Variants in TLL2 observed in about 807,000 individuals in gnomAD.
The protein encoded by TLL2 is tolloid-like protein 2.
In TLL2, 106 loss-of-function variants were observed where a neutral mutation model predicts 123.0. That is an observed-to-expected ratio of 0.86 (90% CI 0.74 to 1.01). The LOEUF is 1.01. Among genes scored for constraint, TLL2 ranks in the 50% least tolerant of loss-of-function variants. The pLI is 0.00. For missense variants in TLL2, 1,332 were observed against 1,336.7 expected (o/e 1.00, Z 0.06); for synonymous variants, 494 against 516.8 (o/e 0.96, Z 0.60).
At chr10:96,486,810 C>T (rs917635361) in intron 1 of TLL2, among the ~76,000 whole-genome samples, 8 of 152,228 alleles carry the variant, frequency 5.3e-5, no homozygotes, top group Admixed American at 3.3e-4. Context: ...GGCAGAGCAG[C>T]GGGGGCCGCT....
chr10:96,376,123 T>TG (rs2134052703), intron 18 of TLL2, among the ~76,000 whole-genome samples: 1 of 152,228 alleles, frequency 6.6e-6, no homozygotes, highest in South Asian at 2.1e-4. Context: ...CTATTACTAA[T>TG]GGGAAAAAAA....
chr10:96,421,588 C>T (rs780575053), intron 6 of TLL2, among the ~76,000 whole-genome samples: 4 of 151,682 alleles, frequency 2.6e-5, no homozygotes, highest in Non-Finnish European at 4.4e-5. Context: ...GGTGTGAACC[C>T]GGGAGACGGA....
rs57500474 is a variant in TLL2, at chr10:96,411,334, A to G, written c.1049-860T>C. 8.1e-3 allele frequency among the ~76,000 whole-genome samples: 1,226 copies of G among 151,074 alleles called. 61 individuals carry two copies. The South Asian group carries it at 0.1, about 13-fold the overall frequency. ...GACAAAAAGAAAAAAATGCTTTGAA[A>G]CTTATTTCAGCTGTTAGTTTAAATC... On this transcript the variant is annotated intron_variant, in intron 8 of 20. Coordinates refer to ENST00000357947, the MANE Select transcript of TLL2 (RefSeq NM_012465.4).
chr10:96,389,821 C>T (rs1437558403), intron 13 of TLL2, among the ~76,000 whole-genome samples: 4 of 152,242 alleles, frequency 2.6e-5, no homozygotes, highest in Admixed American at 2.6e-4. Flanking sequence ...TATAATTCCT[C>T]CAGAGACTAG....
Position 96,420,997 on chromosome 10 carries a change from G to A in TLL2, c.882C>T (p.Asp294=). The A allele has an allele frequency of 1.2e-6, 2 of 1,614,088 alleles. No individual in the cohort carries two copies. The highest frequency in any genetic ancestry group is 1.7e-6 in the Non-Finnish European group (2 of 1,179,988). The change falls in exon 7 of 21, where the codon GAC becomes GAT. Residue 294 remains aspartate, a synonymous_variant. Transcript: ENST00000357947. ...GGGCGTAGTGCATGATGCTGTCAAA[G>A]TCGTATGTCTCTCCCAGAGAGCTCA... ...GEVSSLGETY[D]FDSIMHYARN...
chr10:96,437,215 A>C (rs1330002964), intron 3 of TLL2, among the ~76,000 whole-genome samples: 1 of 152,180 alleles, frequency 6.6e-6, no homozygotes, highest in Admixed American at 6.5e-5. Context: ...TATAAATTGA[A>C]ATTTTTATTT....
At chr10:96,511,246 A>G (rs1847627206) in intron 1 of TLL2, among the ~76,000 whole-genome samples, 1 of 152,276 alleles carries the variant, frequency 6.6e-6, no homozygotes, top group Admixed American at 6.5e-5. Context: ...GTGTCCCGCT[A>G]GCCAAGAGGC....
At chr10:96,393,034 C>T (rs114267304) in intron 13 of TLL2, among the ~76,000 whole-genome samples, 354 of 152,322 alleles carry the variant, frequency 2.3e-3, no homozygotes, top group African/African-American at 7.9e-3. Context: ...CTGGCCATTA[C>T]TGGCTTTGAC....
intron 17 of TLL2, 150 bp downstream of exon 17, chr10:96,378,817 A>G (rs1326140564): frequency 1.9e-6 from 2 of 1,051,578 alleles, no homozygotes; most frequent in South Asian, 1.6e-5. Flanking sequence ...CCTGGGGAAA[A>G]CTCTCCCGCA....
chr10:96,443,106 A>G (rs1846865027), intron 3 of TLL2, among the ~76,000 whole-genome samples: 1 of 152,194 alleles, frequency 6.6e-6, no homozygotes, highest in Non-Finnish European at 1.5e-5. Flanking sequence ...AAACTCTGAC[A>G]ATATCTATTG....
At chr10:96,507,781 C>T (rs1283858838) in intron 1 of TLL2, among the ~76,000 whole-genome samples, 1 of 152,208 alleles carries the variant, frequency 6.6e-6, no homozygotes, top group Non-Finnish European at 1.5e-5. Flanking sequence ...AGAGCCTGTG[C>T]TCTTAACTGG....
In TLL2 at chr10:96,376,777, G is replaced by C. The variant is rs868397545; in HGVS notation, c.2363C>G (p.Ala788Gly). 9 of 1,592,892 alleles carry C rather than the reference G, an allele frequency of 5.7e-6. No homozygotes were observed. The South Asian group carries it at 9.1e-5, about 16-fold the overall frequency. Residue 788 changes from alanine to glycine, a missense_variant, in exon 18 of 21, where the codon GCG (alanine) becomes GGG (glycine). Ala to Gly is a moderately conservative substitution (Grantham distance 60, BLOSUM62 0). Coordinates refer to ENST00000357947, the MANE Select transcript of TLL2 (RefSeq NM_012465.4). ...GTATTTGTCAGGCCAGTTGGGGCTCGCCAGGGTCCCCTCCACACTGCTGAT... is the reference window on the plus strand; with the variant it reads ...GTATTTGTCAGGCCAGTTGGGGCTCCCCAGGGTCCCCTCCACACTGCTGAT... ...HKISSVEGTL[A>G]SPNWPDKYPS...
At chr10:96,430,317 G>A (rs1215326346) in intron 4 of TLL2, among the ~76,000 whole-genome samples, 1 of 152,214 alleles carries the variant, frequency 6.6e-6, no homozygotes, top group African/African-American at 2.4e-5. Flanking sequence ...ACCATGTGAT[G>A]TTCTGGCTTC....
intron 19 of TLL2, among the ~76,000 whole-genome samples, chr10:96,372,312 G>GT (rs1846091862): frequency 6.6e-6 from 1 of 152,196 alleles, no homozygotes; most frequent in Non-Finnish European, 1.5e-5. Flanking sequence ...AAAACTGGAG[G>GT]TAGAGGCTGT....
rs563536531 is a variant in TLL2, at chr10:96,410,474, G to T, written c.1049C>A (p.Ala350Glu). The change falls in exon 9 of 21, where the codon GCG becomes GAG. Residue 350 changes from alanine to glutamate, a missense_variant and splice_region_variant. Transcript: ENST00000357947. ...AQARKLYKCP[A>E]CGETLQDTTG... ...TGTGTCCTGCAGGGTCTCCCCACACGCTGCACAAGCAAAATCACAACTGTG... is the reference window on the plus strand; with the variant it reads ...TGTGTCCTGCAGGGTCTCCCCACACTCTGCACAAGCAAAATCACAACTGTG... The T allele has an allele frequency of 1.2e-6, 2 of 1,612,672 alleles. No individual in the cohort carries two copies. The highest frequency in any genetic ancestry group is 2.2e-5 in the South Asian group (2 of 90,940).
intron 2 of TLL2, among the ~76,000 whole-genome samples, chr10:96,453,767 A>T (rs1364573640): frequency 6.6e-6 from 1 of 152,210 alleles, no homozygotes; most frequent in African/African-American, 2.4e-5. Context: ...ATCCAGTATG[A>T]TTCCATCTTT....
chr10:96,371,896 T>G (rs1364110595), intron 19 of TLL2, among the ~76,000 whole-genome samples: 1 of 152,192 alleles, frequency 6.6e-6, no homozygotes, highest in Non-Finnish European at 1.5e-5. Context: ...CCAGAGGGTC[T>G]CTGCATGCAG....
intron 1 of TLL2, among the ~76,000 whole-genome samples, chr10:96,502,106 A>T (rs1466201029): frequency 1.3e-5 from 2 of 152,196 alleles, no homozygotes; most frequent in African/African-American, 2.4e-5. Flanking sequence ...ATGTAAGCTG[A>T]GTCCTGGAGG....
At chr10:96,397,013 T>G (rs1348781388) in intron 11 of TLL2, among the ~76,000 whole-genome samples, 173 bp downstream of exon 11, 3 of 152,152 alleles carry the variant, frequency 2.0e-5, no homozygotes, top group African/African-American at 4.8e-5. Flanking sequence ...GGCCTCTGCT[T>G]CCAGAATGTT....
Sources: allele counts gnomAD v4.1 joint callset (sites outside exome capture counted in the v4.1 genomes callset), GRCh38; gene constraint gnomAD v4.1.1; transcripts MANE v1.5; gene names NCBI Gene and HGNC (gene_info 2026-07-23, HGNC 2026-07-21).